The following AKT3 variants were observed in gnomAD, a reference collection of about 807,000 sequenced individuals.
AKT3 encodes the protein AKT serine/threonine kinase 3, also known as RAC-gamma serine/threonine-protein kinase.
A neutral mutation model predicts 65.3 loss-of-function variants in AKT3; 15 were observed. The observed-to-expected ratio is 0.23, with a 90% confidence interval of 0.15 to 0.35. AKT3 has a LOEUF of 0.35. AKT3 is among the 10% of genes least tolerant of loss of function. AKT3 has a pLI of 1.00. For synonymous variants in AKT3, 206 were observed against 183.8 expected (o/e 1.12, Z -0.98); for missense variants, 243 against 576.5 (o/e 0.42, Z 5.92).
chr1:243,800,438 G>C (rs1558822973), intron 2 of AKT3, among the ~76,000 whole-genome samples: 1 of 152,186 alleles, frequency 6.6e-6, no homozygotes, highest in African/African-American at 2.4e-5. Flanking sequence ...AGAGATTATG[G>C]GCCAGGTGCA....
chr1:243,742,959 C>CATGT (rs1490464133), intron 2 of AKT3, among the ~76,000 whole-genome samples: 1 of 151,794 alleles, frequency 6.6e-6, no homozygotes, highest in African/African-American at 2.4e-5. Flanking sequence ...AACTTTAGAA[C>CATGT]ATGTACATGT....
intron 2 of AKT3, among the ~76,000 whole-genome samples, chr1:243,770,298 C>T (rs1207339287): frequency 6.6e-6 from 1 of 151,966 alleles, no homozygotes; most frequent in Admixed American, 6.6e-5. Context: ...GTAGGAAAAG[C>T]CTTAGAGGGC....
intron 5 of AKT3, among the ~76,000 whole-genome samples, chr1:243,643,084 T>G (rs1227851898): frequency 6.6e-6 from 1 of 152,204 alleles, no homozygotes; most frequent in African/African-American, 2.4e-5. Context: ...ATTAGTCAAC[T>G]TCTACATTGG....
At chr1:243,515,908 C>T (rs988113627) in intron 12 of AKT3, among the ~76,000 whole-genome samples, 4 of 151,180 alleles carry the variant, frequency 2.6e-5, no homozygotes, top group Non-Finnish European at 4.4e-5. Flanking sequence ...ACCCGGGAGG[C>T]GGAGCTTGCC....
At chr1:243,728,035 T>C (rs911336848) in intron 2 of AKT3, among the ~76,000 whole-genome samples, 2 of 152,148 alleles carry the variant, frequency 1.3e-5, no homozygotes, top group Non-Finnish European at 2.9e-5. Context: ...AGAAACCACA[T>C]ACAACTTGAA....
intron 2 of AKT3, among the ~76,000 whole-genome samples, chr1:243,756,234 T>G (rs1449275515): frequency 6.6e-6 from 1 of 152,228 alleles, no homozygotes; most frequent in African/African-American, 2.4e-5. Flanking sequence ...ATGAAAGAGC[T>G]TGACAACAGT....
At chr1:243,618,578 T>C (rs565538446) in intron 6 of AKT3, among the ~76,000 whole-genome samples, 1 of 152,236 alleles carries the variant, frequency 6.6e-6, no homozygotes, top group African/African-American at 2.4e-5. Flanking sequence ...TAGAAATGCT[T>C]GGGGATACAA....
chr1:243,807,827 A>C (rs1417180228), intron 2 of AKT3, among the ~76,000 whole-genome samples: 1 of 152,174 alleles, frequency 6.6e-6, no homozygotes, highest in Non-Finnish European at 1.5e-5. Flanking sequence ...CACCCCTCTG[A>C]GACGAAACTT....
chr1:243,596,480 G>A (rs1676626755), intron 8 of AKT3, among the ~76,000 whole-genome samples: 1 of 152,152 alleles, frequency 6.6e-6, no homozygotes. Flanking sequence ...AAGTCTGAGT[G>A]AAGACATTTC....
At chr1:243,650,132 T>G (rs1051044938) in intron 4 of AKT3, among the ~76,000 whole-genome samples, 1 of 152,226 alleles carries the variant, frequency 6.6e-6, no homozygotes, top group Non-Finnish European at 1.5e-5. Context: ...GGTATCTCAT[T>G]GTGTTTTGAT....
chr1:243,587,687 G>A (rs896112220), intron 8 of AKT3, among the ~76,000 whole-genome samples: 1 of 152,088 alleles, frequency 6.6e-6, no homozygotes, highest in African/African-American at 2.4e-5. Context: ...ATTTTCAGAA[G>A]TATATACATT....
chr1:243,605,284 G>C lies in AKT3; in HGVS notation c.696+8387C>G, dbSNP rs186308711. 2.5e-3 allele frequency among the ~76,000 whole-genome samples: 386 copies of C among 151,634 alleles called. 2 individuals carry two copies. Among genetic ancestry groups the C allele is most frequent in the Non-Finnish European group, 3.5e-3 (240 of 67,906 alleles). ...CTCAAGCAATCCTCCTATCTCAGCT[G>C]CCCAAAGCACCAGAATTACAGGCAT... On this transcript the variant is annotated intron_variant, in intron 8 of 13. Coordinates refer to ENST00000673466, the MANE Select transcript of AKT3 (RefSeq NM_005465.7).
At chr1:243,725,347 T>C (rs1687146696) in intron 2 of AKT3, among the ~76,000 whole-genome samples, 2 of 152,140 alleles carry the variant, frequency 1.3e-5, no homozygotes, top group Admixed American at 6.6e-5. Context: ...GAGCTATAAC[T>C]TGAAGGGTTG....
At chr1:243,644,910 T>C (rs1451539931) in intron 5 of AKT3, among the ~76,000 whole-genome samples, 2 of 152,128 alleles carry the variant, frequency 1.3e-5, no homozygotes, top group Non-Finnish European at 2.9e-5. Flanking sequence ...AAAAGAGGGA[T>C]TCAGTTCAAC....
At chr1:243,664,365 T>A (rs1023726053) in intron 4 of AKT3, among the ~76,000 whole-genome samples, 1 of 151,090 alleles carries the variant, frequency 6.6e-6, no homozygotes, top group African/African-American at 2.4e-5. Context: ...CCTGGCTGAT[T>A]TTTTGTGTGT....
chr1:243,753,246 T>C (rs1447758290), intron 2 of AKT3, among the ~76,000 whole-genome samples: 4 of 152,204 alleles, frequency 2.6e-5, no homozygotes, highest in African/African-American at 4.8e-5. Context: ...GTATAATCTA[T>C]GGGGTCTTAA....
At chr1:243,589,199 G>C (rs562916822) in intron 8 of AKT3, among the ~76,000 whole-genome samples, 1 of 149,930 alleles carries the variant, frequency 6.7e-6, no homozygotes, top group Non-Finnish European at 1.5e-5. Flanking sequence ...CCAGCTACTC[G>C]GAAAGCTGAG....
chr1:243,598,835 A>G (rs976195272), intron 8 of AKT3, among the ~76,000 whole-genome samples: 1 of 152,188 alleles, frequency 6.6e-6, no homozygotes, highest in Non-Finnish European at 1.5e-5. Flanking sequence ...TTATTTTATA[A>G]TATGCATCTC....
chr1:243,797,352 CCG>C (rs2148355389), intron 2 of AKT3, among the ~76,000 whole-genome samples: 1 of 152,246 alleles, frequency 6.6e-6, no homozygotes, highest in South Asian at 2.1e-4. Flanking sequence ...TATTATCTCT[CCG>C]CCAGTTACAG....
Sources: gnomAD v4.1 joint callset for allele counts (sites outside exome capture counted in the v4.1 genomes callset) on GRCh38, gnomAD v4.1.1 for gene constraint, MANE v1.5 for transcripts, NCBI Gene and HGNC (gene_info 2026-07-23, HGNC 2026-07-21) for gene names.